SNTB1: variants seen among roughly 807,000 people sequenced by gnomAD.
SNTB1 encodes the protein syntrophin beta 1.
A neutral mutation model predicts 48.9 loss-of-function variants in SNTB1; 36 were observed. The observed-to-expected ratio is 0.74, with a 90% CI of 0.56 to 0.97. The LOEUF (loss-of-function observed/expected upper bound fraction) is 0.97, where lower values mean the gene tolerates loss of function less well. Ranked by LOEUF, SNTB1 falls within the 50% of genes least tolerant of loss-of-function variation. The probability of loss-of-function intolerance (pLI) is 0.00; values close to 1 mark genes in which losing one functional copy is unlikely to be tolerated. For missense variants in SNTB1, 786 were observed against 703.4 expected (o/e 1.12, Z -1.33); for synonymous variants, 299 against 294.6 (o/e 1.01, Z -0.15).
chr8:120,650,348 T>C (rs2129712902), intron 2 of SNTB1, among the ~76,000 whole-genome samples: 1 of 152,236 alleles, frequency 6.6e-6, no homozygotes, highest in African/African-American at 2.4e-5. Context: ...AATATGATGG[T>C]GGGCTAAGAA....
intron 2 of SNTB1, among the ~76,000 whole-genome samples, chr8:120,675,213 C>T (rs943413202): frequency 2.6e-5 from 4 of 152,032 alleles, no homozygotes; most frequent in Non-Finnish European, 4.4e-5. Flanking sequence ...GCCTTTGGGG[C>T]TCTGTATTAA....
chr8:120,748,281 G>T (rs1381295837), intron 1 of SNTB1, among the ~76,000 whole-genome samples: 1 of 151,836 alleles, frequency 6.6e-6, no homozygotes, highest in Non-Finnish European at 1.5e-5. Context: ...TTTGGAGTGG[G>T]TTTTTTTTCC....
At chr8:120,558,933 T>C (rs1375632941) in intron 4 of SNTB1, among the ~76,000 whole-genome samples, 3 of 152,226 alleles carry the variant, frequency 2.0e-5, no homozygotes, top group African/African-American at 7.2e-5. Flanking sequence ...AGAACAGTTC[T>C]AGGCACATAG....
At chr8:120,594,533 C>G (rs777545840) in intron 3 of SNTB1, among the ~76,000 whole-genome samples, 45 of 151,970 alleles carry the variant, frequency 3.0e-4, no homozygotes, top group African/African-American at 7.2e-5. Flanking sequence ...CCACCGCACT[C>G]AACCACTAAT....
rs183206050 is a variant in SNTB1 at position 120,810,954 on chromosome 8, A to G, written c.571+319T>C. Reference sequence around the variant, plus strand: ...TACACTCTACCAGGATTATCCGCAGATAAAAATGAAACAACGTATACTAAG... The same window carrying G: ...TACACTCTACCAGGATTATCCGCAGGTAAAAATGAAACAACGTATACTAAG... On this transcript the variant is annotated intron_variant, in intron 1 of 6. Coordinates refer to ENST00000517992, the MANE Select transcript of SNTB1 (RefSeq NM_021021.4). Among the ~76,000 whole-genome samples, 367 of 152,324 alleles carry G rather than the reference A, an allele frequency of 2.4e-3. 3 individuals are homozygous for G. The highest frequency in any genetic ancestry group is 8.6e-3 in the African/African-American group (357 of 41,578).
chr8:120,772,704 A>G (rs1349909651), intron 1 of SNTB1, among the ~76,000 whole-genome samples: 1 of 152,232 alleles, frequency 6.6e-6, no homozygotes, highest in South Asian at 2.1e-4. Flanking sequence ...TACCTGCCAC[A>G]GATAGGAAAG....
At chr8:120,581,328 G>T (rs1325286321) in intron 3 of SNTB1, among the ~76,000 whole-genome samples, 3 of 152,172 alleles carry the variant, frequency 2.0e-5, no homozygotes, top group African/African-American at 4.8e-5. Context: ...CAGAGGCCAG[G>T]CACGGTGGCT....
chr8:120,760,543 A>G (rs10108016), intron 1 of SNTB1, among the ~76,000 whole-genome samples: 70,609 of 151,930 alleles, frequency 0.46, 19,991 homozygotes, highest in African/African-American at 0.8. Context: ...CCAGCCTGAG[A>G]GAGGTGGGTG....
intron 6 of SNTB1, among the ~76,000 whole-genome samples, chr8:120,540,157 G>A (rs1169625406): frequency 6.6e-6 from 1 of 152,130 alleles, no homozygotes; most frequent in Non-Finnish European, 1.5e-5. Flanking sequence ...CAACAGAGTT[G>A]GTGAGTTTGT....
chr8:120,801,947 G>T (rs1245988871), intron 1 of SNTB1, among the ~76,000 whole-genome samples: 1 of 152,068 alleles, frequency 6.6e-6, no homozygotes, highest in African/African-American at 2.4e-5. Flanking sequence ...TTCCCTTTCT[G>T]AGTGATGGGT....
At chr8:120,779,981 G>A (rs1324012940) in intron 1 of SNTB1, among the ~76,000 whole-genome samples, 1 of 151,984 alleles carries the variant, frequency 6.6e-6, no homozygotes, top group African/African-American at 2.4e-5. Flanking sequence ...AGTAGAGACC[G>A]GTGGGGGCTG....
intron 2 of SNTB1, among the ~76,000 whole-genome samples, chr8:120,690,238 AAC>A (rs1185475162): frequency 1.3e-5 from 2 of 152,192 alleles, no homozygotes; most frequent in African/African-American, 4.8e-5. Flanking sequence ...GTATAGGAAA[AAC>A]ACAGTTATAG....
chr8:120,782,345 C>A (rs1819842598), intron 1 of SNTB1, among the ~76,000 whole-genome samples: 1 of 152,052 alleles, frequency 6.6e-6, no homozygotes, highest in Non-Finnish European at 1.5e-5. Flanking sequence ...CAATTCAACC[C>A]ATGAAACCAG....
At chr8:120,758,794 A>C (rs976972819) in intron 1 of SNTB1, among the ~76,000 whole-genome samples, 2 of 152,160 alleles carry the variant, frequency 1.3e-5, no homozygotes, top group African/African-American at 4.8e-5. Context: ...TGGTCACCTA[A>C]CTTTCCTAAG....
intron 2 of SNTB1, among the ~76,000 whole-genome samples, chr8:120,660,422 T>G (rs1417403635): frequency 1.3e-5 from 2 of 152,234 alleles, no homozygotes; most frequent in African/African-American, 4.8e-5. Context: ...TGAACTAACT[T>G]CTGCTAGCTT....
chr8:120,751,065 C>T (rs554656435), intron 1 of SNTB1, among the ~76,000 whole-genome samples: 1 of 152,254 alleles, frequency 6.6e-6, no homozygotes, highest in South Asian at 2.1e-4. Flanking sequence ...CACCCACTGT[C>T]AGCTTTAGAG....
chr8:120,719,638 C>T (rs1009538412), intron 1 of SNTB1, among the ~76,000 whole-genome samples: 13 of 152,108 alleles, frequency 8.5e-5, no homozygotes, highest in Non-Finnish European at 1.6e-4. Context: ...AGGTTGAACT[C>T]GCTGTCTTAG....
At chr8:120,734,434 G>A (rs1171245870) in intron 1 of SNTB1, among the ~76,000 whole-genome samples, 6 of 141,332 alleles carry the variant, frequency 4.2e-5, no homozygotes, top group East Asian at 2.1e-4. Context: ...GTGACAGAGC[G>A]AGATTCTGTC....
chr8:120,548,705 G>C, intron 5 of SNTB1, 57 bp downstream of exon 5: 1 of 1,518,114 alleles, frequency 6.6e-7, no homozygotes. Flanking sequence ...CCCCGGTGGA[G>C]TAGAGGGTTC....
Sources: gnomAD v4.1 joint callset for allele counts (sites outside exome capture counted in the v4.1 genomes callset) on GRCh38, gnomAD v4.1.1 for gene constraint, MANE v1.5 for transcripts, NCBI Gene and HGNC (gene_info 2026-07-23, HGNC 2026-07-21) for gene names.